The following SHISA9 variants were observed in gnomAD, a reference collection of about 807,000 sequenced individuals.
The protein encoded by SHISA9 is shisa family member 9, also known as protein shisa-9.
A neutral mutation model predicts 38.0 loss-of-function variants in SHISA9; 13 were observed. The ratio of observed to expected loss-of-function variants is 0.34; its 90% CI spans 0.22 to 0.54. SHISA9 has a LOEUF of 0.54. SHISA9 is among the 20% of genes least tolerant of loss of function. The probability of loss-of-function intolerance (pLI) is 0.91; values close to 1 mark genes in which losing one functional copy is unlikely to be tolerated. For synonymous variants in SHISA9, 275 were observed against 242.0 expected (o/e 1.14, Z -1.27); for missense variants, 538 against 575.8 (o/e 0.93, Z 0.67).
chr16:13,000,469 C>T (rs987876565), intron 2 of SHISA9, among the ~76,000 whole-genome samples: 12 of 152,276 alleles, frequency 7.9e-5, no homozygotes, highest in Admixed American at 1.3e-4. Flanking sequence ...CTTGAGGAAA[C>T]GAACCAAACT....
At chr16:13,522,690 G>C in the SHISA9 span, among the ~76,000 whole-genome samples, 15 of 152,176 alleles carry the variant, frequency 9.9e-5, no homozygotes, top group South Asian at 8.3e-4. Context: ...GCTGCAGTGA[G>C]AGCCTTATAA....
the SHISA9 span, among the ~76,000 whole-genome samples, chr16:13,357,429 G>A: frequency 4.6e-5 from 7 of 152,238 alleles, no homozygotes; most frequent in Admixed American, 2.0e-4. Context: ...GCCGCTTACC[G>A]GATTTGAAAT....
At chr16:13,416,540 C>A in the SHISA9 span, among the ~76,000 whole-genome samples, 1 of 152,052 alleles carries the variant, frequency 6.6e-6, no homozygotes, top group Non-Finnish European at 1.5e-5. Flanking sequence ...CTGTGGAAAC[C>A]ACTTAGAAAC....
chr16:13,488,513 T>A, the SHISA9 span, among the ~76,000 whole-genome samples: 1 of 152,164 alleles, frequency 6.6e-6, no homozygotes, highest in African/African-American at 2.4e-5. Context: ...AGTATTCTCT[T>A]TTTACTGTAC....
the SHISA9 span, among the ~76,000 whole-genome samples, chr16:13,506,722 T>C: frequency 6.6e-6 from 1 of 151,970 alleles, no homozygotes; most frequent in Non-Finnish European, 1.5e-5. Flanking sequence ...AAGTGGGTCA[T>C]ATAGGATCTG....
intron 2 of SHISA9, among the ~76,000 whole-genome samples, chr16:13,091,507 A>AT (rs532110524): frequency 5.5e-4 from 83 of 151,806 alleles, no homozygotes; most frequent in African/African-American, 1.9e-3. Flanking sequence ...TCTTTTTACA[A>AT]TTTTTTCTCT....
chr16:13,561,334 A>G, the SHISA9 span, among the ~76,000 whole-genome samples: 14 of 152,194 alleles, frequency 9.2e-5, no homozygotes, highest in Admixed American at 3.3e-4. Flanking sequence ...CATTTCTTAC[A>G]TAACTTGCAG....
the SHISA9 span, among the ~76,000 whole-genome samples, chr16:13,422,718 GAAAC>G: frequency 0.3 from 45,254 of 151,676 alleles, 7,387 homozygotes; most frequent in East Asian, 0.52. Context: ...CAAAAACAAA[GAAAC>G]AAACAAACAA....
chr16:12,960,020 A>G (rs2071888275), intron 2 of SHISA9, among the ~76,000 whole-genome samples: 1 of 152,248 alleles, frequency 6.6e-6, no homozygotes, highest in Non-Finnish European at 1.5e-5. Flanking sequence ...AGTATTTGGA[A>G]CTACGCATTT....
chr16:13,460,055 G>A, the SHISA9 span, among the ~76,000 whole-genome samples: 2 of 152,044 alleles, frequency 1.3e-5, no homozygotes, highest in African/African-American at 4.8e-5. Flanking sequence ...TTACAGACAC[G>A]AGCCACCACA....
At chr16:13,310,399 A>AC in the SHISA9 span, among the ~76,000 whole-genome samples, 3 of 152,074 alleles carry the variant, frequency 2.0e-5, no homozygotes, top group African/African-American at 7.2e-5. Flanking sequence ...TAAGAAATAA[A>AC]CCCCATGAAT....
At chr16:12,982,886 C>T (rs1189620551) in intron 2 of SHISA9, among the ~76,000 whole-genome samples, 1 of 152,198 alleles carries the variant, frequency 6.6e-6, no homozygotes, top group African/African-American at 2.4e-5. Context: ...TCCTTACTCA[C>T]ACGCTCGCTT....
chr16:13,423,958 G>A, the SHISA9 span, among the ~76,000 whole-genome samples: 1 of 152,164 alleles, frequency 6.6e-6, no homozygotes, highest in Non-Finnish European at 1.5e-5. Context: ...TTTATGTCAG[G>A]AAGAGCTCTG....
rs1033560529 is a variant in SHISA9 at position 13,237,679 on chromosome 16, A to G, written c.*2270A>G. The G allele has an allele frequency of 6.6e-6, 1 of 151,848 alleles. No homozygotes were observed. Among genetic ancestry groups the G allele is most frequent in the Non-Finnish European group, 1.5e-5 (1 of 68,010 alleles). The allele number at this position is 151,848 out of a possible 1,614,324, so 9.4% of individuals were successfully genotyped here. ...CAAAAAAAAAAAAAAAAAGAAAAAA[A>G]AAGAGATCTTTCAAAGAACGCATAA... is the stretch of plus-strand genomic sequence containing the variant. On this transcript the variant is annotated 3_prime_UTR_variant, in exon 5 of 5. Coordinates refer to ENST00000558583, the MANE Select transcript of SHISA9 (RefSeq NM_001145204.3).
chr16:13,074,296 T>G (rs1349565494), intron 2 of SHISA9, among the ~76,000 whole-genome samples: 3 of 151,844 alleles, frequency 2.0e-5, no homozygotes, highest in Non-Finnish European at 4.4e-5. Context: ...AGCACACAGT[T>G]TGTAGAAATT....
intron 2 of SHISA9, among the ~76,000 whole-genome samples, chr16:13,020,171 C>T (rs1004493764): frequency 1.3e-5 from 2 of 151,186 alleles, no homozygotes; most frequent in African/African-American, 4.9e-5. Flanking sequence ...GGATTAGAGG[C>T]AAGTGCCACC....
chr16:12,942,460 G>A (rs1404361777), intron 2 of SHISA9, among the ~76,000 whole-genome samples: 1 of 152,204 alleles, frequency 6.6e-6, no homozygotes, highest in Non-Finnish European at 1.5e-5. Context: ...GGAAGCATGA[G>A]TCCCTCAGTG....
At chr16:13,451,845 C>T in the SHISA9 span, among the ~76,000 whole-genome samples, 7 of 152,166 alleles carry the variant, frequency 4.6e-5, no homozygotes, top group Admixed American at 2.0e-4. Flanking sequence ...GGTCTTTGCC[C>T]TGTGCATAAC....
At chr16:12,990,501 G>A (rs1045770734) in intron 2 of SHISA9, among the ~76,000 whole-genome samples, 1 of 152,164 alleles carries the variant, frequency 6.6e-6, no homozygotes, top group Non-Finnish European at 1.5e-5. Flanking sequence ...TCTCACTGTG[G>A]TTTTGATTCA....
Sources: gnomAD v4.1 joint callset for allele counts (sites outside exome capture counted in the v4.1 genomes callset) on GRCh38, gnomAD v4.1.1 for gene constraint, MANE v1.5 for transcripts, NCBI Gene and HGNC (gene_info 2026-07-23, HGNC 2026-07-21) for gene names.